Variants in C1QB observed in about 807,000 individuals in gnomAD.
C1QB encodes complement C1q subcomponent subunit B.
In C1QB, 2 loss-of-function variants were observed where a neutral mutation model predicts 4.6. The ratio of observed to expected loss-of-function variants is 0.43; its 90% CI spans 0.18 to 1.36. The LOEUF (loss-of-function observed/expected upper bound fraction) is 1.36, where lower values mean the gene tolerates loss of function less well. C1QB is among the 40% of genes most tolerant of loss of function. The pLI is 0.28. For synonymous variants in C1QB, 132 were observed against 137.1 expected (o/e 0.96, Z 0.26); for missense variants, 292 against 338.0 (o/e 0.86, Z 1.07).
chr1:22,660,935 C>G lies in C1QB; in HGVS notation c.305C>G (p.Pro102Arg), dbSNP rs753050059. The change falls in exon 3 of 3, where the codon CCT (proline) becomes CGT (arginine). Residue 102 changes from proline (P) to arginine (R), a missense_variant. Coordinates refer to ENST00000509305, the MANE Select transcript of C1QB (RefSeq NM_001378156.1). Reference sequence around the variant, plus strand: ...GGCCCTAAAGGTGGCCCAGGGGCCCCTGGAGCCCCAGGCCCCAAAGGTGAA... The same window carrying G: ...GGCCCTAAAGGTGGCCCAGGGGCCCGTGGAGCCCCAGGCCCCAAAGGTGAA... Reference protein sequence around the residue: ...PMGPKGGPGAPGAPGPKGESG... With the variant: ...PMGPKGGPGARGAPGPKGESG... 6.2e-7 allele frequency: 1 copy of G among 1,613,806 alleles called. No individual in the cohort carries two copies. The highest frequency in any genetic ancestry group is 1.3e-5 in the African/African-American group (1 of 75,014).
chr1:22,654,404 A>C lies in C1QB; in HGVS notation c.-24+1101A>C, dbSNP rs568611207. Among the ~76,000 whole-genome samples, 21 of 151,130 alleles carry C rather than the reference A, an allele frequency of 1.4e-4. No individual in the cohort carries two copies. In the South Asian group the frequency reaches 3.6e-3, roughly 26 times the overall value. The stretch of plus-strand genomic sequence containing the variant: ...CCCCACCAACTGGTCACAGCTCTCC[A>C]CCCCTTGCTGCCTCCAACTGACAGA... On this transcript the variant is annotated intron_variant, in intron 1 of 2. Coordinates refer to ENST00000509305, the MANE Select transcript of C1QB (RefSeq NM_001378156.1).
Position 22,660,949 on chromosome 1 carries a change from C to T in C1QB, c.319C>T (p.Pro107Ser), listed in dbSNP as rs2148306105. Residue 107 changes from proline to serine, a missense_variant, in exon 3 of 3, where the codon CCC becomes TCC. Pro to Ser is a moderately conservative substitution (Grantham distance 74). Coordinates refer to ENST00000509305, the MANE Select transcript of C1QB (RefSeq NM_001378156.1). ...CCCAGGGGCCCCTGGAGCCCCAGGC[C>T]CCAAAGGTGAATCGGGAGACTACAA... Reference protein sequence around the residue: ...GGPGAPGAPGPKGESGDYKAT... With the variant: ...GGPGAPGAPGSKGESGDYKAT... 6.2e-7 allele frequency: 1 copy of T among 1,613,826 alleles called. No homozygotes were observed. Among genetic ancestry groups the T allele is most frequent in the Non-Finnish European group, 8.5e-7 (1 of 1,179,910 alleles).
rs536603136 is a variant in C1QB at position 22,654,590 on chromosome 1, A to G, written c.-24+1287A>G. Among the ~76,000 whole-genome samples the G allele has an allele frequency of 3.3e-5, 5 of 152,338 alleles. No individual in the cohort carries two copies. The East Asian group carries it at 9.6e-4, about 29-fold the overall frequency. On this transcript the variant is annotated intron_variant, in intron 1 of 2. Transcript: ENST00000509305. ...TTCCAACATGCCAGGCTCTGTTGGA[A>G]GCTGTAACTCATGTCCTCGCACATA... is the stretch of plus-strand genomic sequence containing the variant.
At chr1:22,656,869 T>A (rs1040991452) in intron 1 of C1QB, among the ~76,000 whole-genome samples, 1 of 152,110 alleles carries the variant, frequency 6.6e-6, no homozygotes, top group Non-Finnish European at 1.5e-5. Flanking sequence ...GATTCTTTGC[T>A]AGAGTGGCCC....
chr1:22,659,892 G>T (rs1217433715), intron 2 of C1QB, among the ~76,000 whole-genome samples: 1 of 152,154 alleles, frequency 6.6e-6, no homozygotes, highest in Non-Finnish European at 1.5e-5. Context: ...ACCAGACCAC[G>T]GATCTCTTAC....
At chr1:22,660,660 G>A (rs1642606087) in intron 2 of C1QB, 152 bp from the exon 3 acceptor site, 9 of 750,184 alleles carry the variant, frequency 1.2e-5, no homozygotes, top group Admixed American at 1.2e-4. Flanking sequence ...TGGGCTGGAG[G>A]GAGACCCAGA....
chr1:22,659,422 A>G lies in C1QB; in HGVS notation c.-23-18A>G. The G allele has an allele frequency of 6.2e-7, 1 of 1,612,210 alleles. No individual in the cohort carries two copies. The highest frequency in any genetic ancestry group is 8.5e-7 in the Non-Finnish European group (1 of 1,178,766). On this transcript the variant is annotated intron_variant, in intron 1 of 2. Coordinates refer to ENST00000509305, the MANE Select transcript of C1QB (RefSeq NM_001378156.1). The stretch of plus-strand genomic sequence containing the variant: ...AGGATCACCACGGTGGTAACCTCTC[A>G]CATTGTCTTCTCCACAGGAGGCGTC...
At position 22,661,446 on chromosome 1, in the gene C1QB, C is replaced by A; in HGVS notation, c.*60C>A. 2 of 1,590,142 alleles carry A rather than the reference C, an allele frequency of 1.3e-6. No homozygotes were observed. Among genetic ancestry groups the A allele is most frequent in the Non-Finnish European group, 8.6e-7 (1 of 1,160,898 alleles). On this transcript the variant is annotated 3_prime_UTR_variant, in exon 3 of 3. Coordinates refer to ENST00000509305, the MANE Select transcript of C1QB (RefSeq NM_001378156.1). ...CTGCCAGCAACGCTCACTCTACCCC[C>A]AACACCACCCCTTGCCCAACCAATG...
At chr1:22,659,270 G>A (rs1347475333) in intron 1 of C1QB, among the ~76,000 whole-genome samples, 170 bp from the exon 2 acceptor site, 4 of 137,420 alleles carry the variant, frequency 2.9e-5, no homozygotes, top group East Asian at 4.6e-4. Flanking sequence ...ATGGATGGAC[G>A]GATGCAGATG....
chr1:22,659,190 G>A (rs1398682182), intron 1 of C1QB, among the ~76,000 whole-genome samples: 1 of 150,278 alleles, frequency 6.7e-6, no homozygotes, highest in African/African-American at 2.5e-5. Flanking sequence ...ATGGATGGTT[G>A]GATGCAGGAA....
chr1:22,661,131 C>T lies in C1QB; in HGVS notation c.501C>T (p.Tyr167=), dbSNP rs201430590. The T allele has an allele frequency of 1.2e-6, 2 of 1,614,196 alleles. No individual in the cohort carries two copies. The highest frequency in any genetic ancestry group is 4.5e-5 in the East Asian group (2 of 44,878). The change falls in exon 3 of 3, where the codon TAC becomes TAT. Residue 167 remains tyrosine, a synonymous_variant. Transcript: ENST00000509305. The part of the protein sequence containing the change: ...KFTCKVPGLY[Y]FTYHASSRGN... ...CCTGCAAGGTGCCCGGTCTCTACTA[C>T]TTCACCTACCACGCCAGCTCTCGAG...
chr1:22,657,566 A>G (rs974957536), intron 1 of C1QB, among the ~76,000 whole-genome samples: 4 of 152,166 alleles, frequency 2.6e-5, no homozygotes, highest in Non-Finnish European at 5.9e-5. Flanking sequence ...AAGCAGATTC[A>G]TGGTTGTCAG....
At chr1:22,658,211 C>T (rs6659022) in intron 1 of C1QB, among the ~76,000 whole-genome samples, 9,854 of 152,262 alleles carry the variant, frequency 0.065, 425 homozygotes, top group African/African-American at 0.13. Flanking sequence ...CTCTTGCTTC[C>T]TGTCACTTGA....
intron 1 of C1QB, 106 bp from the exon 2 acceptor site, chr1:22,659,334 G>A (rs1642583585): frequency 1.1e-6 from 1 of 888,374 alleles, no homozygotes; most frequent in East Asian, 3.6e-5. Flanking sequence ...GGATGCAGAT[G>A]GAGGAATAGA....
intron 1 of C1QB, among the ~76,000 whole-genome samples, chr1:22,656,823 C>A (rs1353632504): frequency 6.6e-6 from 1 of 152,184 alleles, no homozygotes; most frequent in Non-Finnish European, 1.5e-5. Context: ...CAATCAGCTT[C>A]AAGTTGGGGT....
intron 1 of C1QB, among the ~76,000 whole-genome samples, chr1:22,655,325 C>G (rs561915461): frequency 6.6e-6 from 1 of 152,350 alleles, no homozygotes; most frequent in East Asian, 1.9e-4. Context: ...CCAGCATTCC[C>G]TGGCCACACT....
intron 1 of C1QB, among the ~76,000 whole-genome samples, chr1:22,657,255 CATCA>C: frequency 6.6e-6 from 1 of 152,154 alleles, no homozygotes; most frequent in Non-Finnish European, 1.5e-5. Context: ...GGCTGGCAGC[CATCA>C]ATCAATCATT....
chr1:22,657,154 T>A (rs1363495853), intron 1 of C1QB, among the ~76,000 whole-genome samples: 1 of 152,020 alleles, frequency 6.6e-6, no homozygotes, highest in African/African-American at 2.4e-5. Context: ...CCCACTCCCC[T>A]CCCCAGAGGT....
In C1QB at chr1:22,659,586, C is replaced by G. The variant is rs1202669764; in HGVS notation, c.124C>G (p.Pro42Ala). 6.2e-7 allele frequency: 1 copy of G among 1,613,952 alleles called. No homozygotes were observed. The highest frequency in any genetic ancestry group is 1.1e-5 in the South Asian group (1 of 91,052). ...PPAIPGIPGI[P>A]GTPGPDGQPG... ...AGCCATCCCTGGCATCCCGGGTATC[C>G]CTGGGACACCTGGCCCCGATGGCCA... The change falls in exon 2 of 3, where the codon CCT becomes GCT. Residue 42 changes from proline (P) to alanine (A), a missense_variant. Transcript: ENST00000509305.
Sources: gnomAD v4.1 joint callset for allele counts (sites outside exome capture counted in the v4.1 genomes callset) on GRCh38, gnomAD v4.1.1 for gene constraint, MANE v1.5 for transcripts, NCBI Gene and HGNC (gene_info 2026-07-23, HGNC 2026-07-21) for gene names.